The following CSMD1 variants were observed in gnomAD, a reference collection of about 807,000 sequenced individuals.
The protein encoded by CSMD1 is CUB and Sushi multiple domains 1.
CSMD1 carries 213 observed loss-of-function variants against 417.5 expected under a neutral mutation model. The ratio of observed to expected loss-of-function variants is 0.51; its 90% CI spans 0.46 to 0.57. CSMD1 has a LOEUF of 0.57. Among genes scored for constraint, CSMD1 ranks in the 20% least tolerant of loss-of-function variants. CSMD1 has a pLI of 0.00. For missense variants in CSMD1, 6,923 were observed against 4,529.7 expected (o/e 1.53, Z -15.17); for synonymous variants, 2,862 against 1,736.8 (o/e 1.65, Z -16.11).
At chr8:4,759,241 C>T (rs943676294) in intron 1 of CSMD1, among the ~76,000 whole-genome samples, 2 of 152,068 alleles carry the variant, frequency 1.3e-5, no homozygotes, top group Non-Finnish European at 2.9e-5. Context: ...CCATCAGTGT[C>T]GTTGGATGAT....
intron 1 of CSMD1, among the ~76,000 whole-genome samples, chr8:4,669,507 T>C (rs544991082): frequency 5.3e-5 from 8 of 152,334 alleles, no homozygotes; most frequent in Admixed American, 1.3e-4. Context: ...CCTTTCTGCC[T>C]ACCCACTTCT....
chr8:2,975,837 C>T (rs149887456), intron 55 of CSMD1, among the ~76,000 whole-genome samples: 4 of 152,246 alleles, frequency 2.6e-5, no homozygotes, highest in African/African-American at 4.8e-5. Context: ...TGACACCAAG[C>T]GGAGTGAACT....
intron 2 of CSMD1, among the ~76,000 whole-genome samples, chr8:4,499,335 T>C (rs1371330325): frequency 6.6e-6 from 1 of 152,166 alleles, no homozygotes; most frequent in African/African-American, 2.4e-5. Context: ...GATGCCCATA[T>C]GGGGAAGTGT....
At chr8:4,162,763 C>G (rs34663862) in intron 3 of CSMD1, among the ~76,000 whole-genome samples, 59,112 of 151,868 alleles carry the variant, frequency 0.39, 11,727 homozygotes, top group Middle Eastern at 0.5. Context: ...ATCATCCAAA[C>G]CCCCAGTTTA....
At chr8:4,480,779 T>A (rs765959772) in intron 2 of CSMD1, among the ~76,000 whole-genome samples, 5 of 152,188 alleles carry the variant, frequency 3.3e-5, no homozygotes, top group South Asian at 2.1e-4. Context: ...AGACGAGGAC[T>A]CAGGAACCAA....
At chr8:4,342,225 G>A (rs868505350) in intron 3 of CSMD1, among the ~76,000 whole-genome samples, 1 of 11,374 alleles carries the variant, frequency 8.8e-5, no homozygotes, top group African/African-American at 4.4e-4. Context: ...GTGTGTGTGT[G>A]TGTGTGTCTG....
intron 9 of CSMD1, among the ~76,000 whole-genome samples, chr8:3,585,791 C>T (rs771883756): frequency 3.3e-5 from 5 of 152,188 alleles, no homozygotes; most frequent in Non-Finnish European, 7.4e-5. Context: ...TTTAGGTTTG[C>T]GGGGTGCACA....
At chr8:4,408,273 A>G (rs1161559855) in intron 3 of CSMD1, among the ~76,000 whole-genome samples, 2 of 152,188 alleles carry the variant, frequency 1.3e-5, no homozygotes, top group African/African-American at 2.4e-5. Context: ...GAAAGAATAT[A>G]AGGTTATATT....
chr8:4,717,167 T>C (rs1005178644), intron 1 of CSMD1, among the ~76,000 whole-genome samples: 4 of 151,734 alleles, frequency 2.6e-5, no homozygotes, highest in Non-Finnish European at 4.4e-5. Context: ...CAGTGAGATA[T>C]TTGGGAGTCA....
chr8:4,471,477 G>T (rs1585132406), intron 2 of CSMD1, among the ~76,000 whole-genome samples: 1 of 152,134 alleles, frequency 6.6e-6, no homozygotes, highest in Admixed American at 6.6e-5. Flanking sequence ...CAAGATGCAT[G>T]TGCCTAACAA....
At position 2,938,463 on chromosome 8, in the gene CSMD1, C is replaced by G. The variant is rs912271076; in HGVS notation, c.*122G>C. 1.4e-5 allele frequency: 13 copies of G among 920,456 alleles called. No homozygotes were observed. The highest frequency in any genetic ancestry group is 8.5e-5 in the Admixed American group (3 of 35,480). 57.0% of individuals were successfully genotyped at this position (920,456 alleles called of 1,614,324 possible). A position where few individuals can be genotyped will look rare whatever the true frequency, so the allele number is the denominator to read the frequency against. The stretch of plus-strand genomic sequence containing the variant: ...TCCCCGCTGCACTTATGCCAGTAGA[C>G]AAGGTTGAAGATCGCTGCAGTAAAG... On this transcript the variant is annotated 3_prime_UTR_variant, in exon 70 of 70. Transcript: ENST00000635120.
chr8:4,417,265 A>T (rs1796995463), intron 3 of CSMD1, among the ~76,000 whole-genome samples: 1 of 152,002 alleles, frequency 6.6e-6, no homozygotes, highest in Non-Finnish European at 1.5e-5. Context: ...ACACTATTTT[A>T]ATTTGTTTCT....
chr8:4,842,549 G>A (rs889519862), intron 1 of CSMD1, among the ~76,000 whole-genome samples: 1 of 152,268 alleles, frequency 6.6e-6, no homozygotes, highest in East Asian at 1.9e-4. Flanking sequence ...AGCACTAAGG[G>A]TCACAACGTA....
At chr8:4,788,552 C>A in intron 1 of CSMD1, 1 of 1,372,974 alleles carries the variant, frequency 7.3e-7, no homozygotes, top group Non-Finnish European at 1.0e-6. Flanking sequence ...TTCCTTGAAG[C>A]AGGCTGACAA....
intron 20 of CSMD1, 60 bp downstream of exon 20, chr8:3,366,968 TCTCA>T (rs1809615613): frequency 3.2e-6 from 4 of 1,250,604 alleles, no homozygotes; most frequent in East Asian, 2.4e-5. Context: ...CCACACACAT[TCTCA>T]CTAACAGAAA....
At chr8:4,205,148 A>T (rs1426168608) in intron 3 of CSMD1, among the ~76,000 whole-genome samples, 1 of 152,266 alleles carries the variant, frequency 6.6e-6, no homozygotes. Flanking sequence ...GTTGAATGAA[A>T]TTGTTCTTAG....
chr8:4,423,589 T>C (rs986004768), intron 2 of CSMD1, among the ~76,000 whole-genome samples: 1 of 152,036 alleles, frequency 6.6e-6, no homozygotes. Context: ...GTTAATAGTA[T>C]GGAAGATGGA....
At chr8:4,744,149 G>C (rs756875512) in intron 1 of CSMD1, among the ~76,000 whole-genome samples, 4 of 152,142 alleles carry the variant, frequency 2.6e-5, no homozygotes, top group South Asian at 2.1e-4. Flanking sequence ...AATTTCTTTG[G>C]GTTCCCTATA....
At chr8:4,580,573 C>T (rs1012777196) in intron 2 of CSMD1, among the ~76,000 whole-genome samples, 33 of 152,234 alleles carry the variant, frequency 2.2e-4, no homozygotes, top group Non-Finnish European at 1.6e-4. Context: ...CATGAGGCTC[C>T]TCCTTTCTCC....
Sources: gnomAD v4.1 joint callset for allele counts (sites outside exome capture counted in the v4.1 genomes callset) on GRCh38, gnomAD v4.1.1 for gene constraint, MANE v1.5 for transcripts, NCBI Gene and HGNC (gene_info 2026-07-23, HGNC 2026-07-21) for gene names.